The following CLSTN3 variants were observed in gnomAD, a reference collection of about 807,000 sequenced individuals.
CLSTN3 encodes calsyntenin-3.
Under a neutral mutation model 95.9 loss-of-function variants are expected in CLSTN3, and 36 were observed. The observed-to-expected ratio is 0.38, with a 90% CI of 0.29 to 0.50. The LOEUF (loss-of-function observed/expected upper bound fraction) is 0.50, where lower values mean the gene tolerates loss of function less well. Among genes scored for constraint, CLSTN3 ranks in the 20% least tolerant of loss-of-function variants. CLSTN3 has a pLI of 0.95. For missense variants in CLSTN3, 1,084 were observed against 1,268.8 expected (o/e 0.85, Z 2.21); for synonymous variants, 481 against 504.0 (o/e 0.95, Z 0.61).
upstream of CLSTN3, chr12:7,130,341 C>A (rs778581139): frequency 2.4e-4 from 309 of 1,294,354 alleles, 2 homozygotes; most frequent in African/African-American, 3.9e-3. Flanking sequence ...CCGGCGGCCC[C>A]ATCAATCGTT....
Position 7,142,404 on chromosome 12 carries a change from G to A in CLSTN3, c.1540+265G>A, listed in dbSNP as rs1939542143. On this transcript the variant is annotated intron_variant, in intron 10 of 17. Coordinates refer to ENST00000266546, the MANE Select transcript of CLSTN3 (RefSeq NM_014718.4). Reference sequence around the variant, plus strand: ...CTTTCCACATGGTAGAAGGGAGGTGGCAGGAGTCAGGAGTCAGACACGCAG... The same window carrying A: ...CTTTCCACATGGTAGAAGGGAGGTGACAGGAGTCAGGAGTCAGACACGCAG... Among the ~76,000 whole-genome samples, 11 of 152,212 alleles carry A rather than the reference G, an allele frequency of 7.2e-5. No individual in the cohort carries two copies. The South Asian group carries it at 2.1e-3, about 29-fold the overall frequency.
At position 7,137,936 on chromosome 12, in the gene CLSTN3, C is replaced by T; in HGVS notation, c.1211-19C>T. 1 of 1,599,124 alleles carries T rather than the reference C, an allele frequency of 6.3e-7. No individual in the cohort carries two copies. The highest frequency in any genetic ancestry group is 1.3e-5 in the African/African-American group (1 of 74,734). The stretch of plus-strand genomic sequence containing the variant: ...CCTCAGCCTCTGCACTTGACCCCAT[C>T]CCCTTCCTGTGCCCTCAGAGGACGG... On this transcript the variant is annotated intron_variant, in intron 7 of 17. Coordinates refer to ENST00000266546, the MANE Select transcript of CLSTN3 (RefSeq NM_014718.4). The surrounding 1 kb of genome is among the most constrained non-coding windows in gnomAD (Gnocchi z 4.4).
chr12:7,133,192 G>C lies in CLSTN3; in HGVS notation c.187+46G>C, dbSNP rs373697267. ...GCAAGGCAGGGTAGGACAGAGAAAA[G>C]TGGGTGGGAGGGCCAAGAGCAAGGG... On this transcript the variant is annotated intron_variant, in intron 2 of 17. Coordinates refer to ENST00000266546, the MANE Select transcript of CLSTN3 (RefSeq NM_014718.4). This position sits in a 1 kb window ranked among gnomAD's most constrained non-coding sequence, Gnocchi z 4.7. 16 of 1,607,484 alleles carry C rather than the reference G, an allele frequency of 1.0e-5. No homozygotes were observed. The African/African-American group carries it at 1.7e-4, about 17-fold the overall frequency.
chr12:7,155,843 G>A (rs1045547861), intron 16 of CLSTN3: 9 of 199,332 alleles, frequency 4.5e-5, no homozygotes, highest in East Asian at 3.1e-4. Context: ...GCCTCAGGGA[G>A]GTGTGTGGCC....
intron 16 of CLSTN3, among the ~76,000 whole-genome samples, chr12:7,152,978 C>T (rs1939749955): frequency 6.6e-6 from 1 of 152,212 alleles, no homozygotes; most frequent in African/African-American, 2.4e-5. Context: ...TTAGGGGGAG[C>T]CCCTGAGGGG....
Position 7,136,989 on chromosome 12 carries a change from C to T in CLSTN3, c.1089C>T (p.Gly363=). The change falls in exon 7 of 18, where the codon GGC becomes GGT. Residue 363 remains glycine, a synonymous_variant. Transcript: ENST00000266546. The part of the protein sequence containing the change: ...QVPLGGPSGL[G]SGPQDSLSDH... ...CCCTGGGTGGCCCCAGTGGGCTGGG[C>T]TCTGGGCCCCAGGACAGCCTCAGTG... 1 of 1,614,228 alleles carries T rather than the reference C, an allele frequency of 6.2e-7. No homozygotes were observed. The highest frequency in any genetic ancestry group is 8.5e-7 in the Non-Finnish European group (1 of 1,180,044).
In CLSTN3 at chr12:7,141,888, G is replaced by C. The variant is rs1462831414; in HGVS notation, c.1487-198G>C. 6.6e-6 allele frequency among the ~76,000 whole-genome samples: 1 copy of C among 152,172 alleles called. No individual in the cohort carries two copies. The highest frequency in any genetic ancestry group is 1.5e-5 in the Non-Finnish European group (1 of 68,044). On this transcript the variant is annotated intron_variant, in intron 9 of 17. Transcript: ENST00000266546. This position sits in a 1 kb window ranked among gnomAD's most constrained non-coding sequence, Gnocchi z 4.1. ...ATTTGGGGGTTTGTCTATAATAGAG[G>C]CTGGAGAGGTTGGAACATGACAAAA...
intron 16 of CLSTN3, chr12:7,156,618 C>T: frequency 2.2e-6 from 1 of 456,560 alleles, no homozygotes; most frequent in Non-Finnish European, 4.4e-6. Context: ...TGGGGCGTGG[C>T]AACCTTTGTG....
At position 7,157,542 on chromosome 12, in the gene CLSTN3, C is replaced by A; in HGVS notation, c.2581C>A (p.Leu861Ile). ...TGTGGTGTGCGTGGGCTTCCTGGTG[C>A]TCATGGTCGTCCTGGGCCTGGTGCG... is the stretch of plus-strand genomic sequence containing the variant. ...IIVVCVGFLV[L>I]MVVLGLVRIH... Residue 861 changes from leucine to isoleucine, a missense_variant, in exon 17 of 18, where the codon CTC becomes ATC. Leu to Ile is a conservative substitution (Grantham distance 5). Transcript: ENST00000266546. This position sits in a 1 kb window ranked among gnomAD's most constrained non-coding sequence, Gnocchi z 5.9. 2.5e-6 allele frequency: 4 copies of A among 1,610,858 alleles called. No homozygotes were observed. Among genetic ancestry groups the A allele is most frequent in the Non-Finnish European group, 3.4e-6 (4 of 1,178,452 alleles).
intron 1 of CLSTN3, chr12:7,131,817 GA>G: frequency 2.2e-6 from 1 of 456,480 alleles, no homozygotes; most frequent in Non-Finnish European, 4.4e-6. Context: ...CAGCATTCAG[GA>G]AGGGGTTATG....
intron 12 of CLSTN3, among the ~76,000 whole-genome samples, chr12:7,148,466 T>G (rs1172576364): frequency 6.6e-6 from 1 of 152,164 alleles, no homozygotes; most frequent in Admixed American, 6.5e-5. Flanking sequence ...TCCCCGATAT[T>G]GAAGGGAATG....
chr12:7,157,030 C>T lies in CLSTN3; in HGVS notation c.2528-459C>T, dbSNP rs980199268. On this transcript the variant is annotated intron_variant, in intron 16 of 17. Transcript: ENST00000266546. The surrounding 1 kb of genome is among the most constrained non-coding windows in gnomAD (Gnocchi z 5.9). ...GCCAGCCCAGGCCTGGAGCCTGCAT[C>T]TCCTCCTGCTCAGCCAAGCCCGTGT... 2 of 356,348 alleles carry T rather than the reference C, an allele frequency of 5.6e-6. No homozygotes were observed. The highest frequency in any genetic ancestry group is 1.1e-5 in the Non-Finnish European group (2 of 180,886). The allele number at this position is 356,348 out of a possible 1,614,324, so 22.1% of individuals were successfully genotyped here.
intron 1 of CLSTN3, chr12:7,132,571 G>C: frequency 3.2e-6 from 1 of 315,110 alleles, no homozygotes; most frequent in South Asian, 4.9e-5. Context: ...TAAGCAATCA[G>C]GATCTCAGGA....
At chr12:7,131,856 T>TCCCAGCACTTTGGGAG (rs1939310941) in intron 1 of CLSTN3, 1 of 456,318 alleles carries the variant, frequency 2.2e-6, no homozygotes, top group Non-Finnish European at 4.4e-6. Flanking sequence ...AGCCTTCCCA[T>TCCCAGCACTTTGGGAG]GCCAAAGGCT....
rs745560976 is a variant in CLSTN3, at chr12:7,149,711, G to T, written c.2245+18G>T. On this transcript the variant is annotated intron_variant, in intron 14 of 17. Coordinates refer to ENST00000266546, the MANE Select transcript of CLSTN3 (RefSeq NM_014718.4). The surrounding 1 kb of genome is among the most constrained non-coding windows in gnomAD (Gnocchi z 4.5). The stretch of plus-strand genomic sequence containing the variant: ...TATTGCTGGTCAGTGGGGCCTGAGG[G>T]CCTGTCCTCTGTGTGTGTGTGCCCC... 1.2e-6 allele frequency: 2 copies of T among 1,607,158 alleles called. No homozygotes were observed. The highest frequency in any genetic ancestry group is 2.2e-5 in the East Asian group (1 of 44,800).
chr12:7,137,017 C>A lies in CLSTN3; in HGVS notation c.1117C>A (p.His373Asn). The A allele has an allele frequency of 1.2e-6, 2 of 1,614,216 alleles. No homozygotes were observed. Among genetic ancestry groups the A allele is most frequent in the Non-Finnish European group, 1.7e-6 (2 of 1,180,030 alleles). The change falls in exon 7 of 18, where the codon CAC becomes AAC. Residue 373 changes from histidine to asparagine, a missense_variant. His to Asn is a moderately conservative substitution (Grantham distance 68, BLOSUM62 1). Coordinates refer to ENST00000266546, the MANE Select transcript of CLSTN3 (RefSeq NM_014718.4). This position sits in a 1 kb window ranked among gnomAD's most constrained non-coding sequence, Gnocchi z 4.4. Reference sequence around the variant, plus strand: ...TGGGCCCCAGGACAGCCTCAGTGACCACTTCACCCTGTCCTTCTGGATGAA... The same window carrying A: ...TGGGCCCCAGGACAGCCTCAGTGACAACTTCACCCTGTCCTTCTGGATGAA... The part of the protein sequence containing the change: ...GSGPQDSLSD[H>N]FTLSFWMKHG...
intron 12 of CLSTN3, 107 bp downstream of exon 12, chr12:7,143,418 G>T: frequency 7.7e-7 from 1 of 1,291,270 alleles, no homozygotes; most frequent in South Asian, 1.4e-5. Context: ...TTTGTTTTAT[G>T]GATGAGGAGA....
chr12:7,156,337 G>A (rs988060630), intron 16 of CLSTN3: 2 of 457,058 alleles, frequency 4.4e-6, no homozygotes, highest in Non-Finnish European at 8.8e-6. Context: ...TTCTTCGAGA[G>A]CTGTGTGTGT....
Position 7,150,523 on chromosome 12 carries a change from G to A in CLSTN3, c.2246-21G>A. The A allele has an allele frequency of 6.2e-7, 1 of 1,603,062 alleles. No homozygotes were observed. The highest frequency in any genetic ancestry group is 8.5e-7 in the Non-Finnish European group (1 of 1,171,914). On this transcript the variant is annotated intron_variant, in intron 14 of 17. Coordinates refer to ENST00000266546, the MANE Select transcript of CLSTN3 (RefSeq NM_014718.4). This position sits in a 1 kb window ranked among gnomAD's most constrained non-coding sequence, Gnocchi z 4.0. ...TCCTGCCTCCACTGGCCCCTGCCCTGAGGTGCTTCCTCATCTCCAGGGGTG... is the reference window on the plus strand; with the variant it reads ...TCCTGCCTCCACTGGCCCCTGCCCTAAGGTGCTTCCTCATCTCCAGGGGTG...
Sources: gnomAD v4.1 joint callset for allele counts (sites outside exome capture counted in the v4.1 genomes callset) on GRCh38, gnomAD v4.1.1 for gene constraint, Gnocchi (gnomAD v3.1) non-coding constraint, MANE v1.5 for transcripts, NCBI Gene and HGNC (gene_info 2026-07-23, HGNC 2026-07-21) for gene names.